The following LMO7 variants were observed in gnomAD, a reference collection of about 807,000 sequenced individuals.
LMO7 encodes the protein LIM domain 7.
In LMO7, 120 loss-of-function variants were observed where a neutral mutation model predicts 206.5. The ratio of observed to expected loss-of-function variants is 0.58; its 90% CI spans 0.50 to 0.68. LMO7 has a LOEUF of 0.68. LMO7 is among the 30% of genes least tolerant of loss of function. The pLI is 0.00. For synonymous variants in LMO7, 706 were observed against 681.5 expected, an observed-to-expected ratio of 1.04 and a Z score of -0.56; for missense variants, 1,959 against 1,957.9, an observed-to-expected ratio of 1.00 and a Z score of -0.01.
Position 75,636,578 on chromosome 13 carries a change from G to T in LMO7, c.-80G>T. On this transcript the variant is annotated 5_prime_UTR_variant, in exon 1 of 31. Transcript: ENST00000377534. ...TGTGGGAGGCCCGCGTGCCCTCCCC[G>T]CCCGTGGGGCCCAGACGCGCGGGGA... 1 of 1,538,260 alleles carries T rather than the reference G, an allele frequency of 6.5e-7. No homozygotes were observed. The highest frequency in any genetic ancestry group is 2.0e-5 in the Admixed American group (1 of 50,554).
At chr13:75,840,007 T>C (rs1217055453) in intron 20 of LMO7, 78 bp from the exon 21 acceptor site, 2 of 1,392,232 alleles carry the variant, frequency 1.4e-6, no homozygotes, top group South Asian at 2.4e-5. Flanking sequence ...ATGATAGAAG[T>C]TTCTGAAAGG....
intron 4 of LMO7, among the ~76,000 whole-genome samples, chr13:75,792,828 A>G (rs2053489707): frequency 6.6e-6 from 1 of 152,210 alleles, no homozygotes; most frequent in Non-Finnish European, 1.5e-5. Context: ...AGAGCATGTT[A>G]TAAATGCTCA....
chr13:75,637,578 T>C (rs1256865244), intron 1 of LMO7, among the ~76,000 whole-genome samples: 1 of 152,144 alleles, frequency 6.6e-6, no homozygotes, highest in Non-Finnish European at 1.5e-5. Context: ...CTGCTGAAAA[T>C]TGAGGCGTGC....
intron 4 of LMO7, among the ~76,000 whole-genome samples, chr13:75,781,234 G>A (rs575304273): frequency 1.4e-5 from 2 of 145,120 alleles, no homozygotes; most frequent in East Asian, 2.1e-4. Context: ...CCACTAACTC[G>A]TCATCTAGCA....
rs960033910 is a variant in LMO7 at position 75,658,709 on chromosome 13, G to A, written c.69+21983G>A. Among the ~76,000 whole-genome samples the A allele has an allele frequency of 3.3e-5, 5 of 151,148 alleles. No homozygotes were observed. In the East Asian group the frequency reaches 5.8e-4, roughly 18 times the overall value. On this transcript the variant is annotated intron_variant, in intron 1 of 30. Coordinates refer to ENST00000377534, the MANE Select transcript of LMO7 (RefSeq NM_001306080.2). The stretch of plus-strand genomic sequence containing the variant: ...CACCATTCTCCTGCCTCAGCCTCCC[G>A]AGTAGCTGGGACTACAGGCGCCCAC...
intron 1 of LMO7, among the ~76,000 whole-genome samples, chr13:75,639,652 CT>C (rs1480894031): frequency 6.6e-6 from 1 of 152,154 alleles, no homozygotes; most frequent in Non-Finnish European, 1.5e-5. Flanking sequence ...CTTTGTCTCT[CT>C]GTTGTGGGTC....
intron 4 of LMO7, among the ~76,000 whole-genome samples, chr13:75,766,610 GCA>G (rs1177520870): frequency 1.9e-5 from 1 of 53,112 alleles, no homozygotes; most frequent in Non-Finnish European, 3.7e-5. Context: ...AAAGATAAAT[GCA>G]CAGATTTCTC....
chr13:75,633,924 T>A (rs2035372434), upstream of LMO7, among the ~76,000 whole-genome samples: 1 of 138,774 alleles, frequency 7.2e-6, no homozygotes, highest in Non-Finnish European at 1.5e-5. Flanking sequence ...CCTGGCTTAC[T>A]GCACCCTCTG....
intron 1 of LMO7, among the ~76,000 whole-genome samples, chr13:75,666,803 A>G (rs2039110935): frequency 6.6e-6 from 1 of 152,250 alleles, no homozygotes; most frequent in South Asian, 2.1e-4. Flanking sequence ...TGAGCTAATC[A>G]GTATTCTTAG....
rs2059027211 is a variant in LMO7 at position 75,835,261 on chromosome 13, A to C, written c.3255A>C (p.Ala1085=). The C allele has an allele frequency of 1.2e-6, 2 of 1,612,280 alleles. No homozygotes were observed. The highest frequency in any genetic ancestry group is 1.3e-5 in the African/African-American group (1 of 74,922). ...AGSPETKWID[A]TSGIYNSEKS... ...CACCTGAAACAAAGTGGATTGATGC[A>C]ACTTCTGGAATTTACAACTCAGAAA... is the stretch of plus-strand genomic sequence containing the variant. The change falls in exon 18 of 31, where the codon GCA becomes GCC. Residue 1085 remains alanine (A), a synonymous_variant. Coordinates refer to ENST00000377534, the MANE Select transcript of LMO7 (RefSeq NM_001306080.2).
rs543877407 is a variant in LMO7, at chr13:75,680,033, G to A, written c.70-33149G>A. On this transcript the variant is annotated intron_variant, in intron 1 of 30. Transcript: ENST00000377534. ...CACCTAAGTATTAAGCCCAGCATGC[G>A]TTAACTATTTTTCCTGACGATCTCC... Among the ~76,000 whole-genome samples, 13 of 152,254 alleles carry A rather than the reference G, an allele frequency of 8.5e-5. 1 individual carries two copies. In the East Asian group the frequency reaches 2.3e-3, roughly 27 times the overall value.
At chr13:75,650,036 C>T (rs1382031257) in intron 1 of LMO7, among the ~76,000 whole-genome samples, 2 of 152,068 alleles carry the variant, frequency 1.3e-5, no homozygotes, top group African/African-American at 2.4e-5. Flanking sequence ...GGGGTTTTAC[C>T]ATGTTGCCCA....
At chr13:75,803,932 G>A (rs1387009527) in intron 7 of LMO7, among the ~76,000 whole-genome samples, 1 of 151,588 alleles carries the variant, frequency 6.6e-6, no homozygotes, top group Non-Finnish European at 1.5e-5. Flanking sequence ...TTTGCATGTT[G>A]TTTTAAGTAT....
chr13:75,662,891 T>C (rs994451484), intron 1 of LMO7, among the ~76,000 whole-genome samples: 1 of 152,180 alleles, frequency 6.6e-6, no homozygotes, highest in Non-Finnish European at 1.5e-5. Flanking sequence ...TTAGGTCTTA[T>C]AAAGTACTTT....
In LMO7 at chr13:75,721,872, G is replaced by C. The variant is rs187293690; in HGVS notation, c.141-5157G>C. ...TTTAAAATAGGCACATAGACCAATA[G>C]AACAGAATAAAGAACCCAGAAATAA... On this transcript the variant is annotated intron_variant, in intron 2 of 30. Transcript: ENST00000377534. Among the ~76,000 whole-genome samples, 322 of 152,298 alleles carry C rather than the reference G, an allele frequency of 2.1e-3. 4 individuals carry two copies. The highest frequency in any genetic ancestry group is 1.3e-3 in the Non-Finnish European group (86 of 68,028).
intron 1 of LMO7, among the ~76,000 whole-genome samples, chr13:75,710,446 C>T (rs1337640080): frequency 5.9e-5 from 9 of 152,112 alleles, no homozygotes; most frequent in African/African-American, 9.7e-5. Context: ...AATGTTCTTC[C>T]ATTTGTTTGT....
intron 3 of LMO7, among the ~76,000 whole-genome samples, chr13:75,728,038 G>C (rs2044665336): frequency 6.6e-6 from 1 of 151,956 alleles, no homozygotes; most frequent in Non-Finnish European, 1.5e-5. Flanking sequence ...TTGGACATTT[G>C]GGTTGGTTCC....
At chr13:75,660,088 T>A (rs1014516285) in intron 1 of LMO7, among the ~76,000 whole-genome samples, 9 of 152,234 alleles carry the variant, frequency 5.9e-5, no homozygotes, top group African/African-American at 1.9e-4. Context: ...TAGTTCATAA[T>A]GTTCTTGTAA....
Position 75,657,258 on chromosome 13 carries a change from G to A in LMO7, c.69+20532G>A, listed in dbSNP as rs115966297. Among the ~76,000 whole-genome samples the A allele has an allele frequency of 4.1e-3, 619 of 152,250 alleles. 8 individuals are homozygous for A. The highest frequency in any genetic ancestry group is 0.014 in the African/African-American group (579 of 41,548). On this transcript the variant is annotated intron_variant, in intron 1 of 30. Transcript: ENST00000377534. ...CTTGATTTCAGACTTCTAGACTTCA[G>A]AACTGTGAAATAATAAATTTCTGTT...
Sources: allele counts gnomAD v4.1 joint callset (sites outside exome capture counted in the v4.1 genomes callset), GRCh38; gene constraint gnomAD v4.1.1; transcripts MANE v1.5; gene names NCBI Gene and HGNC (gene_info 2026-07-23, HGNC 2026-07-21).